WDR36: variants seen among roughly 807,000 people sequenced by gnomAD.
The protein encoded by WDR36 is WD repeat-containing protein 36.
Under a neutral mutation model 112.7 loss-of-function variants are expected in WDR36, and 63 were observed. The observed-to-expected ratio is 0.56, with a 90% CI of 0.46 to 0.69. The LOEUF (loss-of-function observed/expected upper bound fraction) is 0.69, where lower values mean the gene tolerates loss of function less well. Among genes scored for constraint, WDR36 ranks in the 30% least tolerant of loss-of-function variants. The pLI is 0.00. For missense variants in WDR36, 1,226 were observed against 1,070.3 expected, an observed-to-expected ratio of 1.15 and a Z score of -2.03; for synonymous variants, 410 against 362.2, an observed-to-expected ratio of 1.13 and a Z score of -1.50.
chr5:111,114,870 A>G (rs930545943), intron 16 of WDR36, among the ~76,000 whole-genome samples: 5 of 152,136 alleles, frequency 3.3e-5, no homozygotes, highest in Non-Finnish European at 7.3e-5. Flanking sequence ...GTTTTAGTTT[A>G]TATTAGTGAG....
rs762982411 is a variant in WDR36, at chr5:111,124,162, C to A, written c.2323C>A (p.Leu775Ile). 6.2e-7 allele frequency: 1 copy of A among 1,612,352 alleles called. No individual in the cohort carries two copies. The highest frequency in any genetic ancestry group is 8.5e-7 in the Non-Finnish European group (1 of 1,179,366). Residue 775 changes from leucine (L) to isoleucine (I), a missense_variant, in exon 21 of 23, where the codon CTT becomes ATT. Transcript: ENST00000513710. The part of the protein sequence containing the change: ...LAQKSDFCLK[L>I]EEGLVNNKYD... ...TCAAAAATCAGATTTCTGCTTGAAACTTGAAGAAGGACTGGTAAATAATAA... is the reference window on the plus strand; with the variant it reads ...TCAAAAATCAGATTTCTGCTTGAAAATTGAAGAAGGACTGGTAAATAATAA...
intron 1 of WDR36, among the ~76,000 whole-genome samples, chr5:111,093,395 CAGGT>C (rs1180571500): frequency 6.6e-6 from 1 of 152,158 alleles, no homozygotes; most frequent in Non-Finnish European, 1.5e-5. Context: ...TTCTGGAAAA[CAGGT>C]AGAGTTGTCT....
Position 111,130,145 on chromosome 5 carries a change from AT to A in WDR36, c.*3265del. The A allele has an allele frequency of 4.8e-6, 1 of 208,654 alleles. No individual in the cohort carries two copies. The highest frequency in any genetic ancestry group is 9.8e-6 in the Non-Finnish European group (1 of 102,256). 12.9% of individuals were successfully genotyped at this position (208,654 alleles called of 1,614,324 possible). On this transcript the variant is annotated 3_prime_UTR_variant, in exon 23 of 23. Coordinates refer to ENST00000513710, the MANE Select transcript of WDR36 (RefSeq NM_139281.3). ...GGGTTGCACAACATTTATAGGACTG[AT>A]TTGGAGAGACCGACAATACCGAGTG...
chr5:111,103,274 G>A (rs937082093), intron 6 of WDR36, among the ~76,000 whole-genome samples: 6 of 151,706 alleles, frequency 4.0e-5, no homozygotes, highest in Non-Finnish European at 8.9e-5. Context: ...TATAACCATA[G>A]AATATTAGAA....
chr5:111,099,475 T>TTTTTTTTTTTTTTTG (rs1753073740), intron 4 of WDR36, among the ~76,000 whole-genome samples: 1 of 136,216 alleles, frequency 7.3e-6, no homozygotes, highest in African/African-American at 2.7e-5. Flanking sequence ...TTTTTTTTTT[T>TTTTTTTTTTTTTTTG]TTTTTTTTTC....
intron 2 of WDR36, 151 bp from the exon 3 acceptor site, chr5:111,096,923 ATATTT>A (rs1319069429): frequency 1.7e-6 from 1 of 579,410 alleles, no homozygotes; most frequent in Non-Finnish European, 3.0e-6. Flanking sequence ...GATATCTAAA[ATATTT>A]TAGTTAAAAT....
At chr5:111,119,670 T>C (rs1208462001) in intron 17 of WDR36, among the ~76,000 whole-genome samples, 1 of 152,132 alleles carries the variant, frequency 6.6e-6, no homozygotes, top group Admixed American at 6.6e-5. Context: ...TTTGTTTCTT[T>C]CCTAACTTTA....
At chr5:111,094,047 C>G (rs1453403016) in intron 1 of WDR36, among the ~76,000 whole-genome samples, 1 of 151,974 alleles carries the variant, frequency 6.6e-6, no homozygotes, top group Non-Finnish European at 1.5e-5. Context: ...AAAAAAGGAG[C>G]TAATGAACCT....
In WDR36 at chr5:111,097,616, A is replaced by C. The variant is rs115028975; in HGVS notation, c.291+437A>C. 3.1e-3 allele frequency among the ~76,000 whole-genome samples: 474 copies of C among 152,330 alleles called. 1 individual carries two copies. Among genetic ancestry groups the C allele is most frequent in the African/African-American group, 0.01 (433 of 41,576 alleles). ...TTATAACTCTTTTTCTAAAAATCAGATGCCTGTTCGCTGTTTAGAGAAAGC... is the reference window on the plus strand; with the variant it reads ...TTATAACTCTTTTTCTAAAAATCAGCTGCCTGTTCGCTGTTTAGAGAAAGC... On this transcript the variant is annotated intron_variant, in intron 3 of 22. Transcript: ENST00000513710.
At chr5:111,105,154 G>A (rs542473430) in intron 9 of WDR36, 141 bp from the exon 10 acceptor site, 2 of 815,376 alleles carry the variant, frequency 2.5e-6, no homozygotes, top group South Asian at 1.6e-5. Flanking sequence ...TTTTAATGAA[G>A]TAGTTGCAAT....
At chr5:111,096,267 T>G (rs533191321) in intron 2 of WDR36, among the ~76,000 whole-genome samples, 1 of 152,264 alleles carries the variant, frequency 6.6e-6, no homozygotes, top group East Asian at 1.9e-4. Flanking sequence ...AGAAACAATA[T>G]TGTCTTTAAA....
Position 111,110,279 on chromosome 5 carries a change from C to T in WDR36, c.1417C>T (p.Arg473Ter). ...DVYNMQSGIH[R>*]GSFGKDQAHK... ...ATATAACATGCAGTCTGGCATACAT[C>T]GAGGAAGTTTTGGCAAGGATCAAGG... Residue 473 changes from arginine (R) to a stop codon, truncating the protein, a stop_gained, in exon 13 of 23, where the codon CGA becomes TGA. Transcript: ENST00000513710. LOFTEE classifies it high-confidence loss of function. 2 of 1,610,512 alleles carry T rather than the reference C, an allele frequency of 1.2e-6. No homozygotes were observed. Among genetic ancestry groups the T allele is most frequent in the African/African-American group, 1.3e-5 (1 of 74,766 alleles).
In WDR36 at chr5:111,130,430, C is replaced by G; in HGVS notation, c.*3547C>G. Reference sequence around the variant, plus strand: ...ACAATGAATGTCTTCATTAAATCATCTTTTGTGGGAGAGCTTTTGGTTTCA... The same window carrying G: ...ACAATGAATGTCTTCATTAAATCATGTTTTGTGGGAGAGCTTTTGGTTTCA... On this transcript the variant is annotated 3_prime_UTR_variant, in exon 23 of 23. Transcript: ENST00000513710. 5.6e-6 allele frequency: 1 copy of G among 179,068 alleles called. No individual in the cohort carries two copies. The highest frequency in any genetic ancestry group is 9.3e-5 in the East Asian group (1 of 10,746). The allele number at this position is 179,068 out of a possible 1,614,324, so 11.1% of individuals were successfully genotyped here.
rs766697767 is a variant in WDR36 at position 111,103,819 on chromosome 5, A to G, written c.631A>G (p.Met211Val). ...CGTGGATGTTGTTGCTATTGGTCTT[A>G]TGTCAGGTCAAGTTATCATTCACAA... ...PAVDVVAIGL[M>V]SGQVIIHNIK... The change falls in exon 7 of 23, where the codon ATG (methionine) becomes GTG (valine). Residue 211 changes from methionine (M) to valine (V), a missense_variant. Physicochemically the swap from Met to Val is conservative, Grantham distance 21 (BLOSUM62 1). Coordinates refer to ENST00000513710, the MANE Select transcript of WDR36 (RefSeq NM_139281.3). The G allele has an allele frequency of 6.2e-7, 1 of 1,611,284 alleles. No homozygotes were observed. Among genetic ancestry groups the G allele is most frequent in the South Asian group, 1.1e-5 (1 of 91,024 alleles).
At chr5:111,098,240 T>G (rs571006844) in intron 3 of WDR36, among the ~76,000 whole-genome samples, 4 of 152,266 alleles carry the variant, frequency 2.6e-5, no homozygotes, top group African/African-American at 9.6e-5. Context: ...GCTATACTTA[T>G]GGAGGGATCA....
In WDR36 at chr5:111,129,845, A is replaced by T. The variant is rs1334768784; in HGVS notation, c.*2962A>T. 9.6e-6 allele frequency: 2 copies of T among 207,576 alleles called. No individual in the cohort carries two copies. Among genetic ancestry groups the T allele is most frequent in the African/African-American group, 4.6e-5 (2 of 43,940 alleles). The allele number at this position is 207,576 out of a possible 1,614,324, so 12.9% of individuals were successfully genotyped here. ...TTCCTCTACGACATGTTTCTGTGTGAGTAGTTAACATGTAGATCTTTAGAA... is the reference window on the plus strand; with the variant it reads ...TTCCTCTACGACATGTTTCTGTGTGTGTAGTTAACATGTAGATCTTTAGAA... On this transcript the variant is annotated 3_prime_UTR_variant, in exon 23 of 23. Coordinates refer to ENST00000513710, the MANE Select transcript of WDR36 (RefSeq NM_139281.3).
rs1753711669 is a variant in WDR36 at position 111,128,112 on chromosome 5, A to C, written c.*1229A>C. 5.2e-6 allele frequency: 1 copy of C among 193,496 alleles called. No individual in the cohort carries two copies. The highest frequency in any genetic ancestry group is 1.9e-4 in the South Asian group (1 of 5,180). The allele number at this position is 193,496 out of a possible 1,614,324, so 12.0% of individuals were successfully genotyped here. On this transcript the variant is annotated 3_prime_UTR_variant, in exon 23 of 23. Coordinates refer to ENST00000513710, the MANE Select transcript of WDR36 (RefSeq NM_139281.3). ...CTTTTGCAATACATGAATTAAAAAT[A>C]AGCAGTTCTTTAAAGCATAGCGCTC...
rs1753691581 is a variant in WDR36, at chr5:111,127,116, T to C, written c.*233T>C. 1 of 392,080 alleles carries C rather than the reference T, an allele frequency of 2.6e-6. No individual in the cohort carries two copies. Among genetic ancestry groups the C allele is most frequent in the African/African-American group, 2.1e-5 (1 of 48,380 alleles). The allele number at this position is 392,080 out of a possible 1,614,324, so 24.3% of individuals were successfully genotyped here. The stretch of plus-strand genomic sequence containing the variant: ...CTTTCAGAGGCCAAAGCGGGAGGAT[T>C]GCTTGAAGCCAGGAATTTGAGCCCA... On this transcript the variant is annotated 3_prime_UTR_variant, in exon 23 of 23. Transcript: ENST00000513710.
In WDR36 at chr5:111,092,729, T is replaced by G. The variant is rs1236761372; in HGVS notation, c.162+111T>G. The G allele has an allele frequency of 8.8e-6, 11 of 1,253,712 alleles. No individual in the cohort carries two copies. In the East Asian group the frequency reaches 2.0e-4, roughly 23 times the overall value. The allele number at this position is 1,253,712 out of a possible 1,614,324, so 77.7% of individuals were successfully genotyped here. A position where few individuals can be genotyped will look rare whatever the true frequency, so the allele number is the denominator to read the frequency against. ...CCATTTACCACGGGCTTCCCTTCTT[T>G]AACCCCTCCCTGTCCTATTAATATT... On this transcript the variant is annotated intron_variant, in intron 1 of 22. Coordinates refer to ENST00000513710, the MANE Select transcript of WDR36 (RefSeq NM_139281.3).
Sources: gnomAD v4.1 joint callset for allele counts (sites outside exome capture counted in the v4.1 genomes callset) on GRCh38, gnomAD v4.1.1 for gene constraint, MANE v1.5 for transcripts, NCBI Gene and HGNC (gene_info 2026-07-23, HGNC 2026-07-21) for gene names.